The following ZNF567 variants were observed in gnomAD, a reference collection of about 807,000 sequenced individuals.
ZNF567 encodes the protein zinc finger protein 567.
Under a neutral mutation model 53.9 loss-of-function variants are expected in ZNF567, and 36 were observed. The ratio of observed to expected loss-of-function variants is 0.67; its 90% CI spans 0.51 to 0.88. ZNF567 has a LOEUF of 0.88. Among genes scored for constraint, ZNF567 ranks in the 40% least tolerant of loss-of-function variants. The pLI is 0.00. For synonymous variants in ZNF567, 224 were observed against 260.4 expected (o/e 0.86, Z 1.35); for missense variants, 619 against 764.7 (o/e 0.81, Z 2.25).
Position 36,687,632 on chromosome 19 carries a change from A to T in ZNF567, c.-170A>T, listed in dbSNP as rs2038314026. On this transcript the variant is annotated splice_region_variant and 5_prime_UTR_variant, in exon 1 of 6. Coordinates refer to ENST00000682579, the MANE Select transcript of ZNF567 (RefSeq NM_001322917.1). Reference sequence around the variant, plus strand: ...TGCGCAGACGCCCGGCCGGCAACCGAAGGTGAGGCTGGTGGGTCCCGCGGG... The same window carrying T: ...TGCGCAGACGCCCGGCCGGCAACCGTAGGTGAGGCTGGTGGGTCCCGCGGG... 6.6e-6 allele frequency: 1 copy of T among 152,400 alleles called. No individual in the cohort carries two copies. Among genetic ancestry groups the T allele is most frequent in the African/African-American group, 2.4e-5 (1 of 41,436 alleles). 9.4% of individuals were successfully genotyped at this position (152,400 alleles called of 1,614,324 possible).
downstream of ZNF567, chr19:36,723,471 T>G (rs947613160): frequency 1.0e-5 from 5 of 483,272 alleles, no homozygotes; most frequent in African/African-American, 9.9e-5. Flanking sequence ...TATTCATGTT[T>G]TATAGCTCTT....
intron 5 of ZNF567, among the ~76,000 whole-genome samples, chr19:36,717,337 T>G (rs1406697806): frequency 1.3e-5 from 2 of 152,136 alleles, no homozygotes; most frequent in African/African-American, 4.8e-5. Context: ...TATGAGATCA[T>G]GGAATGGTAT....
intron 3 of ZNF567, among the ~76,000 whole-genome samples, chr19:36,704,205 C>G (rs955990588): frequency 3.9e-5 from 6 of 152,060 alleles, no homozygotes; most frequent in African/African-American, 1.4e-4. Context: ...TTTGGGAGGC[C>G]AGGGCAGGCG....
chr19:36,670,888 G>T, the ZNF567 span, among the ~76,000 whole-genome samples: 1 of 152,174 alleles, frequency 6.6e-6, no homozygotes, highest in South Asian at 2.1e-4. Context: ...GATCATCTGA[G>T]GTCAGCAGTT....
intron 1 of ZNF567, among the ~76,000 whole-genome samples, chr19:36,689,190 A>G (rs1231615220): frequency 6.6e-6 from 1 of 151,820 alleles, no homozygotes; most frequent in African/African-American, 2.4e-5. Flanking sequence ...ACCACACAGA[A>G]AAAAACTTTA....
Position 36,719,293 on chromosome 19 carries a change from C to T in ZNF567, c.569C>T (p.Ala190Val). 1 of 1,613,948 alleles carries T rather than the reference C, an allele frequency of 6.2e-7. No homozygotes were observed. Reference protein sequence around the residue: ...EVKSHNQSARAFSHNEVLMQY... With the variant: ...EVKSHNQSARVFSHNEVLMQY... The stretch of plus-strand genomic sequence containing the variant: ...AAATCCCATAATCAAAGTGCCAGAG[C>T]TTTCAGTCATAATGAAGTTCTTATG... Residue 190 changes from alanine to valine, a missense_variant, in exon 6 of 6, where the codon GCT becomes GTT. Physicochemically the swap from Ala to Val is moderately conservative, Grantham distance 64. Transcript: ENST00000682579.
upstream of ZNF567, among the ~76,000 whole-genome samples, chr19:36,683,059 G>A (rs546316595): frequency 4.0e-5 from 6 of 151,084 alleles, no homozygotes; most frequent in African/African-American, 7.3e-5. Context: ...TCTTTCCCTC[G>A]ATTTTAAGAG....
intron 3 of ZNF567, among the ~76,000 whole-genome samples, chr19:36,695,558 G>A (rs1873241859): frequency 6.6e-6 from 1 of 151,954 alleles, no homozygotes; most frequent in African/African-American, 2.4e-5. Flanking sequence ...CCCAGTGCAG[G>A]TGCAGTGGCA....
chr19:36,721,732 C>CTTTTTTTTTTTTTT (rs756276834), downstream of ZNF567, among the ~76,000 whole-genome samples: 37 of 121,668 alleles, frequency 3.0e-4, no homozygotes, highest in Admixed American at 2.1e-3. Context: ...GTACCAGAGT[C>CTTTTTTTTTTTTTT]TTTTTTTTTT....
chr19:36,672,499 T>C, the ZNF567 span, among the ~76,000 whole-genome samples: 2 of 152,174 alleles, frequency 1.3e-5, no homozygotes, highest in East Asian at 3.9e-4. Flanking sequence ...CATCACCCAA[T>C]TGGCTCATGA....
chr19:36,696,401 T>C (rs1600509327), intron 3 of ZNF567, among the ~76,000 whole-genome samples: 1 of 152,210 alleles, frequency 6.6e-6, no homozygotes, highest in East Asian at 1.9e-4. Context: ...TTTGATGTAT[T>C]GTCGAAACTA....
At position 36,693,105 on chromosome 19, in the gene ZNF567, T is replaced by A. The variant is rs151212390; in HGVS notation, c.-66-1697T>A. 2.9e-3 allele frequency among the ~76,000 whole-genome samples: 437 copies of A among 151,656 alleles called. 11 individuals carry two copies. Among genetic ancestry groups the A allele is most frequent in the Admixed American group, 0.018 (270 of 15,208 alleles). On this transcript the variant is annotated intron_variant, in intron 2 of 5. Coordinates refer to ENST00000682579, the MANE Select transcript of ZNF567 (RefSeq NM_001322917.1). Reference sequence around the variant, plus strand: ...GAATTGGAGACTAGCCTAAGCAACATAGTAAGACCCCATTTCTACCAAAAA... The same window carrying A: ...GAATTGGAGACTAGCCTAAGCAACAAAGTAAGACCCCATTTCTACCAAAAA...
chr19:36,690,666 C>T (rs1417108436), intron 2 of ZNF567, among the ~76,000 whole-genome samples: 1 of 152,170 alleles, frequency 6.6e-6, no homozygotes, highest in Non-Finnish European at 1.5e-5. Context: ...TTAAATTTGG[C>T]ATGCATTCTT....
At chr19:36,675,926 T>A in the ZNF567 span, among the ~76,000 whole-genome samples, 1 of 152,180 alleles carries the variant, frequency 6.6e-6, no homozygotes, top group African/African-American at 2.4e-5. Context: ...TCTATTTGTA[T>A]GTATATGTAC....
At chr19:36,676,710 TGTCAGAGCCTA>T in the ZNF567 span, among the ~76,000 whole-genome samples, 1 of 152,192 alleles carries the variant, frequency 6.6e-6, no homozygotes, top group Non-Finnish European at 1.5e-5. Context: ...AAGGATGTGA[TGTCAGAGCCTA>T]GTCTTGCTAG....
intron 3 of ZNF567, among the ~76,000 whole-genome samples, chr19:36,708,804 C>T (rs950077983): frequency 6.6e-6 from 1 of 152,166 alleles, no homozygotes; most frequent in Non-Finnish European, 1.5e-5. Flanking sequence ...CCCGTTCTTG[C>T]TTATCTGTTC....
At chr19:36,706,339 G>A (rs1309799577) in intron 3 of ZNF567, among the ~76,000 whole-genome samples, 1 of 152,190 alleles carries the variant, frequency 6.6e-6, no homozygotes, top group Non-Finnish European at 1.5e-5. Context: ...TGTAGCCCAG[G>A]CTGGATTTCA....
the ZNF567 span, among the ~76,000 whole-genome samples, chr19:36,671,058 C>T: frequency 1.3e-5 from 2 of 152,176 alleles, no homozygotes; most frequent in African/African-American, 4.8e-5. Context: ...GCTGAGATCG[C>T]ACCACTGCAC....
intron 3 of ZNF567, among the ~76,000 whole-genome samples, chr19:36,710,280 CTTTTTTTTTTTT>C (rs35115492): frequency 1.3e-5 from 1 of 76,098 alleles, no homozygotes; most frequent in Non-Finnish European, 2.4e-5. Context: ...ACTTTGAAGC[CTTTTTTTTTTTT>C]TTTTTTTTTT....
Sources: gnomAD v4.1 joint callset for allele counts (sites outside exome capture counted in the v4.1 genomes callset) on GRCh38, gnomAD v4.1.1 for gene constraint, MANE v1.5 for transcripts, NCBI Gene and HGNC (gene_info 2026-07-23, HGNC 2026-07-21) for gene names.